IFIT5: variants seen among roughly 807,000 people sequenced by gnomAD.
IFIT5 encodes interferon-induced protein with tetratricopeptide repeats 5.
A neutral mutation model predicts 5.0 loss-of-function variants in IFIT5; 2 were observed. That is an observed-to-expected ratio of 0.40 (90% CI 0.16 to 1.26). IFIT5 has a LOEUF of 1.26. Among genes scored for constraint, IFIT5 ranks in the 50% most tolerant of loss-of-function variants. IFIT5 has a pLI of 0.33. For synonymous variants in IFIT5, 206 were observed against 204.6 expected, an observed-to-expected ratio of 1.01 and a Z score of -0.06; for missense variants, 524 against 563.2, an observed-to-expected ratio of 0.93 and a Z score of 0.70.
rs897922065 is a variant in IFIT5, at chr10:89,419,201, T to C, written c.*553T>C. The C allele has an allele frequency of 3.9e-5, 6 of 152,138 alleles. No individual in the cohort carries two copies. Among genetic ancestry groups the C allele is most frequent in the African/African-American group, 1.4e-4 (6 of 41,446 alleles). The allele number at this position is 152,138 out of a possible 1,614,324, so 9.4% of individuals were successfully genotyped here. A position where few individuals can be genotyped will look rare whatever the true frequency, so the allele number is the denominator to read the frequency against. ...TAATAAAAAAGTTTGTCATCTCTAG[T>C]GACTTCAATAAAGAAAAAACTAGAA... On this transcript the variant is annotated 3_prime_UTR_variant, in exon 2 of 2. Transcript: ENST00000371795.
At chr10:89,416,485 T>C (rs966805532) in intron 1 of IFIT5, among the ~76,000 whole-genome samples, 1 of 152,226 alleles carries the variant, frequency 6.6e-6, no homozygotes, top group Non-Finnish European at 1.5e-5. Context: ...TCTTATTAGC[T>C]TCCCAAAGAC....
chr10:89,414,773 C>G lies in IFIT5; in HGVS notation c.-26C>G, dbSNP rs755706379. Reference sequence around the variant, plus strand: ...GAGCGATCCGAGGGACTGCGCCGCCCGGACGGCCTGCAGAGCGCTGCCATC... The same window carrying G: ...GAGCGATCCGAGGGACTGCGCCGCCGGGACGGCCTGCAGAGCGCTGCCATC... On this transcript the variant is annotated 5_prime_UTR_variant, in exon 1 of 2. Coordinates refer to ENST00000371795, the MANE Select transcript of IFIT5 (RefSeq NM_012420.3). 1.4e-5 allele frequency: 23 copies of G among 1,606,888 alleles called. No homozygotes were observed. The African/African-American group carries it at 2.3e-4, about 16-fold the overall frequency.
Position 89,418,450 on chromosome 10 carries a change from A to C in IFIT5, c.1251A>C (p.Thr417=), listed in dbSNP as rs1841565864. Residue 417 remains threonine, a synonymous_variant, in exon 2 of 2, where the codon ACA becomes ACC. Coordinates refer to ENST00000371795, the MANE Select transcript of IFIT5 (RefSeq NM_012420.3). ...GATCACCCCTTCGCACCAAACTGAC[A>C]AGTGCTCTGAAGAAATTGTCTACCA... is the stretch of plus-strand genomic sequence containing the variant. ...KDRSPLRTKL[T]SALKKLSTKR... 1.2e-6 allele frequency: 2 copies of C among 1,614,164 alleles called. No individual in the cohort carries two copies. Among genetic ancestry groups the C allele is most frequent in the Non-Finnish European group, 1.7e-6 (2 of 1,180,004 alleles).
Position 89,414,816 on chromosome 10 carries a change from C to G in IFIT5, c.5+13C>G, listed in dbSNP as rs1841513799. On this transcript the variant is annotated intron_variant, in intron 1 of 1. Transcript: ENST00000371795. Reference sequence around the variant, plus strand: ...CTGCCATCATGAGGTAAGGGTTTTCCTTTGCCTCTCCTCCCAAGCCCTGCG... The same window carrying G: ...CTGCCATCATGAGGTAAGGGTTTTCGTTTGCCTCTCCTCCCAAGCCCTGCG... 1 of 1,609,168 alleles carries G rather than the reference C, an allele frequency of 6.2e-7. No homozygotes were observed. Among genetic ancestry groups the G allele is most frequent in the African/African-American group, 1.3e-5 (1 of 74,160 alleles).
At chr10:89,414,838 T>G (rs764996039) in intron 1 of IFIT5, 35 bp downstream of exon 1, 2 of 1,605,334 alleles carry the variant, frequency 1.2e-6, no homozygotes, top group African/African-American at 2.7e-5. Flanking sequence ...TCCCAAGCCC[T>G]GCGTCGGCCT....
At position 89,420,235 on chromosome 10, in the gene IFIT5, T is replaced by A. The variant is rs1014491598; in HGVS notation, c.*1587T>A. On this transcript the variant is annotated 3_prime_UTR_variant, in exon 2 of 2. Coordinates refer to ENST00000371795, the MANE Select transcript of IFIT5 (RefSeq NM_012420.3). ...ATCTTTTGTTTTACTTAATTCTGTT[T>A]TTATTATTATTATTATTTTGTTTGA... is the stretch of plus-strand genomic sequence containing the variant. 2 of 152,066 alleles carry A rather than the reference T, an allele frequency of 1.3e-5. No individual in the cohort carries two copies. The highest frequency in any genetic ancestry group is 1.5e-5 in the Non-Finnish European group (1 of 68,014). The allele number at this position is 152,066 out of a possible 1,614,324, so 9.4% of individuals were successfully genotyped here. A position where few individuals can be genotyped will look rare whatever the true frequency, so the allele number is the denominator to read the frequency against.
chr10:89,414,732 C>G lies in IFIT5; in HGVS notation c.-67C>G. 6.4e-7 allele frequency: 1 copy of G among 1,567,608 alleles called. No homozygotes were observed. The highest frequency in any genetic ancestry group is 8.6e-7 in the Non-Finnish European group (1 of 1,164,314). ...GCCCACCGCGCGGCTTCCCGCGGTC[C>G]CCGGTGCTGAGGAGAGAGCGATCCG... On this transcript the variant is annotated 5_prime_UTR_variant, in exon 1 of 2. Transcript: ENST00000371795.
In IFIT5 at chr10:89,418,485, G is replaced by A. The variant is rs761969166; in HGVS notation, c.1286G>A (p.Cys429Tyr). 2.4e-5 allele frequency: 38 copies of A among 1,614,158 alleles called. No individual in the cohort carries two copies. The highest frequency in any genetic ancestry group is 3.1e-5 in the Non-Finnish European group (37 of 1,180,014). Reference protein sequence around the residue: ...ALKKLSTKRLCHNALDVQSLS... With the variant: ...ALKKLSTKRLYHNALDVQSLS... ...AAGAAATTGTCTACCAAGAGACTTT[G>A]TCACAATGCTTTAGATGTGCAGAGT... The change falls in exon 2 of 2, where the codon TGT becomes TAT. Residue 429 changes from cysteine (C) to tyrosine (Y), a missense_variant. Transcript: ENST00000371795.
intron 1 of IFIT5, 100 bp from the exon 2 acceptor site, chr10:89,417,105 T>C: frequency 2.0e-6 from 2 of 983,640 alleles, no homozygotes; most frequent in Non-Finnish European, 2.9e-6. Context: ...TAAGATCAAA[T>C]AGGGATAAAA....
chr10:89,417,614 G>A lies in IFIT5; in HGVS notation c.415G>A (p.Glu139Lys). 6.2e-7 allele frequency: 1 copy of A among 1,614,236 alleles called. No individual in the cohort carries two copies. ...SPSNYKLECP[E>K]TDCEKGWALL... ...TTCTAACTACAAGTTGGAGTGTCCT[G>A]AGACTGACTGTGAGAAAGGCTGGGC... The change falls in exon 2 of 2, where the codon GAG becomes AAG. Residue 139 changes from glutamate (E) to lysine (K), a missense_variant. Glu to Lys is a moderately conservative substitution (Grantham distance 56). Transcript: ENST00000371795.
rs1240258963 is a variant in IFIT5 at position 89,417,398 on chromosome 10, A to G, written c.199A>G (p.Asn67Asp). 1.2e-6 allele frequency: 2 copies of G among 1,614,194 alleles called. No individual in the cohort carries two copies. The highest frequency in any genetic ancestry group is 1.7e-6 in the Non-Finnish European group (2 of 1,180,042). Residue 67 changes from asparagine to aspartate, a missense_variant, in exon 2 of 2, where the codon AAT (asparagine) becomes GAT (aspartate). By Grantham distance (23) the Asn-to-Asp change is conservative (BLOSUM62 1). Coordinates refer to ENST00000371795, the MANE Select transcript of IFIT5 (RefSeq NM_012420.3). ...CTATGTGAAACACCTAAAAGGCCAA[A>G]ATAAAGACGCCCTTGAGTGCTTGGA... The part of the protein sequence containing the change: ...LAYVKHLKGQ[N>D]KDALECLEQA...
Position 89,414,686 on chromosome 10 carries a change from C to T in IFIT5, c.-113C>T, listed in dbSNP as rs962900249. ...GAGTCCAGGGGCTGCAGAGGCCTGGCGCGCGCACGCGCACGCGCACGCCCA... is the reference window on the plus strand; with the variant it reads ...GAGTCCAGGGGCTGCAGAGGCCTGGTGCGCGCACGCGCACGCGCACGCCCA... On this transcript the variant is annotated 5_prime_UTR_variant, in exon 1 of 2. Transcript: ENST00000371795. 3.0e-6 allele frequency: 4 copies of T among 1,329,376 alleles called. No individual in the cohort carries two copies. Among genetic ancestry groups the T allele is most frequent in the East Asian group, 2.8e-5 (1 of 35,590 alleles). The allele number at this position is 1,329,376 out of a possible 1,614,324, so 82.3% of individuals were successfully genotyped here. A position where few individuals can be genotyped will look rare whatever the true frequency, so the allele number is the denominator to read the frequency against.
chr10:89,416,288 AAACAAC>A (rs150927900), intron 1 of IFIT5, among the ~76,000 whole-genome samples: 1 of 151,600 alleles, frequency 6.6e-6, no homozygotes, highest in Non-Finnish European at 1.5e-5. Context: ...AACAACAACA[AAACAAC>A]AACAACAACA....
chr10:89,416,898 G>A (rs1589648267), intron 1 of IFIT5, among the ~76,000 whole-genome samples: 1 of 152,296 alleles, frequency 6.6e-6, no homozygotes, highest in East Asian at 1.9e-4. Context: ...TATTGAATAT[G>A]TATATATTCA....
chr10:89,417,229 G>C lies in IFIT5; in HGVS notation c.30G>C (p.Lys10Asn). The C allele has an allele frequency of 6.2e-7, 1 of 1,602,326 alleles. No individual in the cohort carries two copies. The highest frequency in any genetic ancestry group is 1.3e-5 in the African/African-American group (1 of 74,674). MSEIRKDTL[K>N]AILLELECHF... is the part of the protein sequence containing the mutation. ...GTGAAATTCGTAAGGACACCTTGAA[G>C]GCCATTCTGTTGGAGTTAGAATGTC... Residue 10 changes from lysine to asparagine, a missense_variant, in exon 2 of 2, where the codon AAG becomes AAC. Transcript: ENST00000371795.
intron 1 of IFIT5, among the ~76,000 whole-genome samples, chr10:89,415,521 A>C (rs1452534636): frequency 6.6e-6 from 1 of 152,134 alleles, no homozygotes; most frequent in Admixed American, 6.5e-5. Context: ...CCGCTGTTTT[A>C]TGAGGATTTC....
At position 89,419,660 on chromosome 10, in the gene IFIT5, A is replaced by T. The variant is rs1343265421; in HGVS notation, c.*1012A>T. 6.6e-6 allele frequency: 1 copy of T among 151,958 alleles called. No individual in the cohort carries two copies. The highest frequency in any genetic ancestry group is 1.5e-5 in the Non-Finnish European group (1 of 67,982). 9.4% of individuals were successfully genotyped at this position (151,958 alleles called of 1,614,324 possible). A position where few individuals can be genotyped will look rare whatever the true frequency, so the allele number is the denominator to read the frequency against. On this transcript the variant is annotated 3_prime_UTR_variant, in exon 2 of 2. Transcript: ENST00000371795. ...TGACTTCTATGAAGCTTTTTTTTTA[A>T]TGTGAAATTTTCAGAATGTTGTTTT... is the stretch of plus-strand genomic sequence containing the variant.
Position 89,414,745 on chromosome 10 carries a change from A to C in IFIT5, c.-54A>C. 1 of 1,597,876 alleles carries C rather than the reference A, an allele frequency of 6.3e-7. No individual in the cohort carries two copies. The highest frequency in any genetic ancestry group is 8.5e-7 in the Non-Finnish European group (1 of 1,175,114). On this transcript the variant is annotated 5_prime_UTR_variant, in exon 1 of 2. Transcript: ENST00000371795. ...CTTCCCGCGGTCCCCGGTGCTGAGG[A>C]GAGAGCGATCCGAGGGACTGCGCCG...
chr10:89,416,041 G>C (rs1240012916), intron 1 of IFIT5, among the ~76,000 whole-genome samples: 1 of 152,200 alleles, frequency 6.6e-6, no homozygotes, highest in Admixed American at 6.5e-5. Flanking sequence ...CCCTGCCTCA[G>C]CTTCCCGTGT....
Sources: allele counts gnomAD v4.1 joint callset (sites outside exome capture counted in the v4.1 genomes callset), GRCh38; gene constraint gnomAD v4.1.1; transcripts MANE v1.5; gene names NCBI Gene and HGNC (gene_info 2026-07-23, HGNC 2026-07-21).